Variants in LDB2 observed in about 807,000 individuals in gnomAD.
The protein encoded by LDB2 is LIM domain-binding protein 2.
In LDB2, 12 loss-of-function variants were observed where a neutral mutation model predicts 44.3. The ratio of observed to expected loss-of-function variants is 0.27; its 90% CI spans 0.17 to 0.44. The LOEUF (loss-of-function observed/expected upper bound fraction) is 0.44. Ranked by LOEUF, LDB2 falls within the 20% of genes least tolerant of loss-of-function variation. The pLI, the probability that LDB2 is intolerant of heterozygous loss-of-function variation, is 1.00. For synonymous variants in LDB2, 164 were observed against 174.8 expected (o/e 0.94, Z 0.49); for missense variants, 344 against 473.5 (o/e 0.73, Z 2.54).
intron 1 of LDB2, among the ~76,000 whole-genome samples, chr4:16,823,755 T>C (rs1423971449): frequency 6.6e-6 from 1 of 152,206 alleles, no homozygotes; most frequent in Non-Finnish European, 1.5e-5. Flanking sequence ...ACATCTAACT[T>C]ACCATCATAT....
intron 2 of LDB2, among the ~76,000 whole-genome samples, chr4:16,714,132 T>C (rs565138663): frequency 6.6e-6 from 1 of 152,308 alleles, no homozygotes; most frequent in East Asian, 1.9e-4. Context: ...CAAAAAGGTG[T>C]CTAATAGCAG....
rs67578284 is a variant in LDB2, at chr4:16,791,556, G to GAAAAAAAAAA, written c.133-32306_133-32297dup. Among the ~76,000 whole-genome samples, 14 of 59,016 alleles carry GAAAAAAAAAA rather than the reference G, an allele frequency of 2.4e-4. 2 individuals are homozygous for GAAAAAAAAAA. The highest frequency in any genetic ancestry group is 5.4e-4 in the African/African-American group (8 of 14,872). 38.7% of individuals were successfully genotyped at this position (59,016 alleles called of 152,430 possible). The stretch of plus-strand genomic sequence containing the variant: ...GGCAACAGAGCGAGACTCTGGCTCA[G>GAAAAAAAAAA]AAAAAAAAAAAAAAAAGAAAGACAG... On this transcript the variant is annotated intron_variant, in intron 1 of 7. Coordinates refer to ENST00000304523, the MANE Select transcript of LDB2 (RefSeq NM_001290.5).
intron 2 of LDB2, among the ~76,000 whole-genome samples, chr4:16,663,383 G>A (rs1742142764): frequency 1.3e-5 from 2 of 152,172 alleles, no homozygotes; most frequent in African/African-American, 4.8e-5. Context: ...ACGTAACTGA[G>A]TACAGAGTTG....
chr4:16,551,797 G>C (rs1018380196), intron 5 of LDB2, among the ~76,000 whole-genome samples: 1 of 152,134 alleles, frequency 6.6e-6, no homozygotes, highest in Non-Finnish European at 1.5e-5. Flanking sequence ...GATTACAGGT[G>C]TGAGCCGCCG....
intron 5 of LDB2, among the ~76,000 whole-genome samples, chr4:16,523,352 T>C (rs1726986680): frequency 2.0e-5 from 3 of 152,194 alleles, no homozygotes; most frequent in African/African-American, 7.2e-5. Flanking sequence ...AGGTAGAAGA[T>C]TCATTCTTAC....
chr4:16,548,577 A>G (rs531960687), intron 5 of LDB2, among the ~76,000 whole-genome samples: 1 of 152,220 alleles, frequency 6.6e-6, no homozygotes. Context: ...AAGACTTGGA[A>G]TGCAGCCTGC....
intron 2 of LDB2, among the ~76,000 whole-genome samples, chr4:16,755,551 C>CAG (rs1159511525): frequency 1.8e-4 from 5 of 28,058 alleles, no homozygotes; most frequent in African/African-American, 4.7e-4. Flanking sequence ...GACAGACAGA[C>CAG]AGAGAGAGAG....
intron 1 of LDB2, among the ~76,000 whole-genome samples, chr4:16,882,715 G>A (rs1166536709): frequency 1.1e-4 from 17 of 152,096 alleles, no homozygotes; most frequent in Admixed American, 1.0e-3. Flanking sequence ...TTCAAATACA[G>A]TATTTTTTTT....
At chr4:16,694,459 T>C (rs542948169) in intron 2 of LDB2, among the ~76,000 whole-genome samples, 2 of 152,284 alleles carry the variant, frequency 1.3e-5, no homozygotes, top group East Asian at 1.9e-4. Context: ...GGAAGTATCA[T>C]TGTAGTTCAT....
intron 1 of LDB2, among the ~76,000 whole-genome samples, chr4:16,880,267 T>G (rs1415243100): frequency 1.3e-5 from 2 of 152,072 alleles, no homozygotes; most frequent in East Asian, 3.9e-4. Context: ...GTGACTAAAT[T>G]AAATCAAAAC....
intron 5 of LDB2, among the ~76,000 whole-genome samples, chr4:16,562,913 G>T (rs1451372386): frequency 6.6e-6 from 1 of 152,174 alleles, no homozygotes; most frequent in Non-Finnish European, 1.5e-5. Flanking sequence ...CATGTCCTTT[G>T]TAGGGACATG....
intron 2 of LDB2, among the ~76,000 whole-genome samples, chr4:16,746,187 T>C (rs1393970106): frequency 6.6e-6 from 1 of 152,204 alleles, no homozygotes; most frequent in African/African-American, 2.4e-5. Flanking sequence ...TTACAGATGG[T>C]CCTGATTTAT....
At chr4:16,894,939 A>G (rs889706943) in intron 1 of LDB2, among the ~76,000 whole-genome samples, 1 of 152,088 alleles carries the variant, frequency 6.6e-6, no homozygotes, top group African/African-American at 2.4e-5. Flanking sequence ...ATAAAAGAAA[A>G]AAAAACCTCA....
At chr4:16,829,881 C>T (rs964696499) in intron 1 of LDB2, among the ~76,000 whole-genome samples, 10 of 152,048 alleles carry the variant, frequency 6.6e-5, no homozygotes, top group South Asian at 2.1e-4. Flanking sequence ...CCAAGGCAAG[C>T]AGATCACGAG....
intron 2 of LDB2, among the ~76,000 whole-genome samples, chr4:16,602,297 G>A (rs1722782331): frequency 6.6e-6 from 1 of 152,144 alleles, no homozygotes; most frequent in Admixed American, 6.6e-5. Flanking sequence ...GATGATGGAG[G>A]TGAGTCCCAA....
intron 2 of LDB2, among the ~76,000 whole-genome samples, chr4:16,611,587 T>C (rs1725644605): frequency 6.6e-6 from 1 of 151,098 alleles, no homozygotes; most frequent in Admixed American, 6.6e-5. Flanking sequence ...CAAAACACTT[T>C]AAACCAACAA....
At chr4:16,562,334 A>C (rs1742688177) in intron 5 of LDB2, among the ~76,000 whole-genome samples, 1 of 152,236 alleles carries the variant, frequency 6.6e-6, no homozygotes, top group South Asian at 2.1e-4. Flanking sequence ...ACAAAGGGCT[A>C]ATATCCAGAA....
At chr4:16,774,237 T>G (rs1359161909) in intron 1 of LDB2, among the ~76,000 whole-genome samples, 2 of 147,782 alleles carry the variant, frequency 1.4e-5, no homozygotes, top group Non-Finnish European at 3.0e-5. Context: ...TTCTCAACCA[T>G]CCCTTGTTCA....
rs559119712 is a variant in LDB2, at chr4:16,891,304, CTTTTTTTTT to C, written c.132+7041_132+7049del. On this transcript the variant is annotated intron_variant, in intron 1 of 7. Coordinates refer to ENST00000304523, the MANE Select transcript of LDB2 (RefSeq NM_001290.5). ...AGATAAAGTGGGAATCTTAAGTATTCTTTTTTTTTTTTTTTTTTTTTTTTTTGAGATGGA... is the reference window on the plus strand; with the variant it reads ...AGATAAAGTGGGAATCTTAAGTATTCTTTTTTTTTTTTTTTTTGAGATGGA... Among the ~76,000 whole-genome samples the C allele has an allele frequency of 2.7e-4, 21 of 77,550 alleles. 1 individual carries two copies. The highest frequency in any genetic ancestry group is 1.7e-4 in the Admixed American group (1 of 6,026). 50.9% of individuals were successfully genotyped at this position (77,550 alleles called of 152,430 possible).
Sources: allele counts gnomAD v4.1 joint callset (sites outside exome capture counted in the v4.1 genomes callset), GRCh38; gene constraint gnomAD v4.1.1; transcripts MANE v1.5; gene names NCBI Gene and HGNC (gene_info 2026-07-23, HGNC 2026-07-21).